SHLD3: variants seen among roughly 807,000 people sequenced by gnomAD.
The protein encoded by SHLD3 is shieldin complex subunit 3, also known as REV7-interacting novel NHEJ regulator 1.
Under a neutral mutation model 21.4 loss-of-function variants are expected in SHLD3, and 15 were observed. The ratio of observed to expected loss-of-function variants is 0.70; its 90% CI spans 0.47 to 1.08. SHLD3 has a LOEUF of 1.08. Among genes scored for constraint, SHLD3 ranks in the 50% least tolerant of loss-of-function variants. The pLI is 0.00. For missense variants in SHLD3, 273 were observed against 286.1 expected, an observed-to-expected ratio of 0.95 and a Z score of 0.33; for synonymous variants, 103 against 97.2, an observed-to-expected ratio of 1.06 and a Z score of -0.35.
Position 65,630,621 on chromosome 5 carries a change from G to A in SHLD3, c.*281G>A. The stretch of plus-strand genomic sequence containing the variant: ...ATTAAGTTGTATAGTTTGGATTTTG[G>A]TTAATCTCTAAAATCTAATTTTACT... On this transcript the variant is annotated 3_prime_UTR_variant, in exon 2 of 2. Coordinates refer to ENST00000510585, the MANE Select transcript of SHLD3 (RefSeq NM_001365341.2). The A allele has an allele frequency of 9.5e-7, 1 of 1,054,040 alleles. No homozygotes were observed. 65.3% of individuals were successfully genotyped at this position (1,054,040 alleles called of 1,614,324 possible).
chr5:65,628,213 G>GA (rs1554127507), intron 1 of SHLD3, among the ~76,000 whole-genome samples: 1 of 151,978 alleles, frequency 6.6e-6, no homozygotes, highest in Non-Finnish European at 1.5e-5. Flanking sequence ...TGCTCTAAGA[G>GA]AAAAAAATAG....
At chr5:65,628,109 T>C (rs1341984489) in intron 1 of SHLD3, among the ~76,000 whole-genome samples, 2 of 152,234 alleles carry the variant, frequency 1.3e-5, no homozygotes, top group African/African-American at 4.8e-5. Context: ...CAAGCCTAAC[T>C]TGCAGATATT....
intron 1 of SHLD3, 94 bp downstream of exon 1, chr5:65,625,200 A>C (rs1755152562): frequency 1.0e-5 from 11 of 1,060,138 alleles, no homozygotes; most frequent in Non-Finnish European, 1.6e-5. Flanking sequence ...CTTCTTAAAC[A>C]CTCAGTGCTC....
chr5:65,628,483 G>T (rs181820336), intron 1 of SHLD3, among the ~76,000 whole-genome samples: 1 of 146,326 alleles, frequency 6.8e-6, no homozygotes, highest in Non-Finnish European at 1.5e-5. Context: ...TTTTTGAGAC[G>T]GAGTCTTGCC....
chr5:65,629,822 G>A lies in SHLD3; in HGVS notation c.235G>A (p.Ala79Thr). The A allele has an allele frequency of 6.5e-7, 1 of 1,536,036 alleles. No homozygotes were observed. The highest frequency in any genetic ancestry group is 1.2e-5 in the South Asian group (1 of 84,060). Residue 79 changes from alanine (A) to threonine (T), a missense_variant, in exon 2 of 2, where the codon GCT becomes ACT. By Grantham distance (58) the Ala-to-Thr change is moderately conservative (BLOSUM62 0). Transcript: ENST00000510585. The stretch of plus-strand genomic sequence containing the variant: ...GTACTTAACCATTTCAGAACATGAT[G>A]CTAAGTCACACAGTTATGATTGCAC... The part of the protein sequence containing the change: ...KQYLTISEHD[A>T]KSHSYDCTVD...
At position 65,630,149 on chromosome 5, in the gene SHLD3, CTCAA is replaced by C. The variant is rs1196041250; in HGVS notation, c.567_570del (p.Asn189LysfsTer19). ...AACTCTGGAAGACATTTGGACAAAA[CTCAA>C]TCAAATTATTAGGCACAATGAACTT... On this transcript the variant is annotated frameshift_variant, in exon 2 of 2. Transcript: ENST00000510585. LOFTEE classifies it high-confidence loss of function. 5 of 1,535,930 alleles carry C rather than the reference CTCAA, an allele frequency of 3.3e-6. No homozygotes were observed. Among genetic ancestry groups the C allele is most frequent in the Non-Finnish European group, 4.4e-6 (5 of 1,146,872 alleles).
intron 1 of SHLD3, among the ~76,000 whole-genome samples, chr5:65,627,680 A>G (rs181716786): frequency 6.6e-6 from 1 of 152,280 alleles, no homozygotes; most frequent in Non-Finnish European, 1.5e-5. Flanking sequence ...TTTAGACAAC[A>G]AGAGAATTTC....
chr5:65,628,702 C>T (rs993982381), intron 1 of SHLD3, among the ~76,000 whole-genome samples: 3 of 151,906 alleles, frequency 2.0e-5, no homozygotes, highest in Admixed American at 2.0e-4. Context: ...AAGCTCCTGA[C>T]CTCGTGATCT....
rs1159800658 is a variant in SHLD3 at position 65,629,880 on chromosome 5, A to G, written c.293A>G (p.Lys98Arg). 6.5e-7 allele frequency: 1 copy of G among 1,536,130 alleles called. No homozygotes were observed. The highest frequency in any genetic ancestry group is 8.7e-7 in the Non-Finnish European group (1 of 1,146,892). Reference protein sequence around the residue: ...VDLLEFQPSLKKQHLTWSHTL... With the variant: ...VDLLEFQPSLRKQHLTWSHTL... ...CTATTGGAGTTTCAACCTAGCTTGAAAAAGCAGCATTTAACCTGGTCACAC... is the reference window on the plus strand; with the variant it reads ...CTATTGGAGTTTCAACCTAGCTTGAGAAAGCAGCATTTAACCTGGTCACAC... The change falls in exon 2 of 2, where the codon AAA becomes AGA. Residue 98 changes from lysine to arginine, a missense_variant. Transcript: ENST00000510585.
chr5:65,627,533 G>C (rs1755301203), intron 1 of SHLD3, among the ~76,000 whole-genome samples: 1 of 151,922 alleles, frequency 6.6e-6, no homozygotes, highest in Non-Finnish European at 1.5e-5. Flanking sequence ...AGGAGGCTGA[G>C]GCACAAGAAT....
At chr5:65,625,200 A>G (rs1755152562) in intron 1 of SHLD3, 94 bp downstream of exon 1, 5 of 1,060,138 alleles carry the variant, frequency 4.7e-6, no homozygotes, top group Middle Eastern at 4.0e-4. Flanking sequence ...CTTCTTAAAC[A>G]CTCAGTGCTC....
At chr5:65,627,543 T>C (rs541920889) in intron 1 of SHLD3, among the ~76,000 whole-genome samples, 2 of 151,404 alleles carry the variant, frequency 1.3e-5, no homozygotes, top group Non-Finnish European at 2.9e-5. Flanking sequence ...GGCACAAGAA[T>C]CACTTGACCC....
chr5:65,630,401 T>G lies in SHLD3; in HGVS notation c.*61T>G. ...TGAAATGAATATGGATTGAAATAGA[T>G]AAAATAATTTTTACAGGTTTTAAAA... On this transcript the variant is annotated 3_prime_UTR_variant, in exon 2 of 2. Coordinates refer to ENST00000510585, the MANE Select transcript of SHLD3 (RefSeq NM_001365341.2). 1 of 1,408,386 alleles carries G rather than the reference T, an allele frequency of 7.1e-7. No homozygotes were observed. The highest frequency in any genetic ancestry group is 9.2e-7 in the Non-Finnish European group (1 of 1,086,416). 87.2% of individuals were successfully genotyped at this position (1,408,386 alleles called of 1,614,324 possible). A position where few individuals can be genotyped will look rare whatever the true frequency, so the allele number is the denominator to read the frequency against.
intron 1 of SHLD3, among the ~76,000 whole-genome samples, chr5:65,627,154 AAAAG>A (rs1351688275): frequency 1.3e-5 from 2 of 150,264 alleles, no homozygotes; most frequent in Non-Finnish European, 3.0e-5. Context: ...AAAAAAAAAA[AAAAG>A]AACAATAAGC....
intron 1 of SHLD3, among the ~76,000 whole-genome samples, chr5:65,626,995 C>T (rs929353148): frequency 6.6e-6 from 1 of 151,436 alleles, no homozygotes; most frequent in Non-Finnish European, 1.5e-5. Context: ...CAAAAATTAG[C>T]CAGGTGTGGT....
At chr5:65,625,177 T>C in intron 1 of SHLD3, 71 bp downstream of exon 1, 1 of 1,293,922 alleles carries the variant, frequency 7.7e-7, no homozygotes, top group Non-Finnish European at 1.1e-6. Context: ...GCCTTTGCCA[T>C]GTAGGCCTCA....
chr5:65,628,893 C>T (rs546498895), intron 1 of SHLD3, among the ~76,000 whole-genome samples: 1 of 151,632 alleles, frequency 6.6e-6, no homozygotes, highest in Non-Finnish European at 1.5e-5. Context: ...TCTTGGCTCA[C>T]TGCAACCTCT....
chr5:65,625,339 T>C, intron 1 of SHLD3: 1 of 452,182 alleles, frequency 2.2e-6, no homozygotes, highest in Non-Finnish European at 3.9e-6. Flanking sequence ...TCTGTGCTGC[T>C]TCAGTCACGA....
At chr5:65,626,669 G>A (rs973622905) in intron 1 of SHLD3, among the ~76,000 whole-genome samples, 15 of 151,908 alleles carry the variant, frequency 9.9e-5, no homozygotes, top group African/African-American at 3.6e-4. Flanking sequence ...CCGGGAGGCG[G>A]AGCTTGCAGT....
Sources: allele counts gnomAD v4.1 joint callset (sites outside exome capture counted in the v4.1 genomes callset), GRCh38; gene constraint gnomAD v4.1.1; transcripts MANE v1.5; gene names NCBI Gene and HGNC (gene_info 2026-07-23, HGNC 2026-07-21).